The following CACNA1E variants were observed in gnomAD, a reference collection of about 807,000 sequenced individuals.
The protein encoded by CACNA1E is calcium voltage-gated channel subunit alpha1 E.
Under a neutral mutation model 259.2 loss-of-function variants are expected in CACNA1E, and 40 were observed. The ratio of observed to expected loss-of-function variants is 0.15; its 90% CI spans 0.12 to 0.20. The LOEUF is 0.20. Ranked by LOEUF, CACNA1E falls within the 10% of genes least tolerant of loss-of-function variation. CACNA1E has a pLI of 1.00. For synonymous variants in CACNA1E, 1,104 were observed against 1,138.5 expected (o/e 0.97, Z 0.61); for missense variants, 1,874 against 3,040.1 (o/e 0.62, Z 9.02).
chr1:181,555,511 CGATTTCTTCT>C (rs1360282904), intron 3 of CACNA1E, among the ~76,000 whole-genome samples: 1 of 152,180 alleles, frequency 6.6e-6, no homozygotes, highest in Non-Finnish European at 1.5e-5. Flanking sequence ...GTGCCACCTG[CGATTTCTTCT>C]GATGTTACTG....
chr1:181,502,516 G>C (rs886104930), intron 1 of CACNA1E, among the ~76,000 whole-genome samples: 1 of 152,006 alleles, frequency 6.6e-6, no homozygotes, highest in South Asian at 2.1e-4. Flanking sequence ...TCTTAACCTG[G>C]GCCCTCTCAC....
At chr1:181,322,014 G>A (rs1650390697) in intron 1 of CACNA1E, among the ~76,000 whole-genome samples, 1 of 152,132 alleles carries the variant, frequency 6.6e-6, no homozygotes, top group Admixed American at 6.5e-5. Flanking sequence ...GGGTAGGCGG[G>A]GCAGATGGGG....
At chr1:181,793,562 C>T in intron 44 of CACNA1E, 103 bp from the exon 45 acceptor site, 1 of 1,270,634 alleles carries the variant, frequency 7.9e-7, no homozygotes, top group Non-Finnish European at 1.1e-6. Flanking sequence ...CTGCAAGTCT[C>T]TCTTTTGAAA....
At chr1:181,638,716 A>G (rs976003035) in intron 6 of CACNA1E, among the ~76,000 whole-genome samples, 2 of 152,222 alleles carry the variant, frequency 1.3e-5, no homozygotes, top group African/African-American at 4.8e-5. Flanking sequence ...TGATTGACTC[A>G]TGGGGGCAGT....
At chr1:181,795,098 G>A (rs570171712) in intron 46 of CACNA1E, 54 bp downstream of exon 46, 133 of 1,434,878 alleles carry the variant, frequency 9.3e-5, no homozygotes, top group Admixed American at 2.8e-4. Context: ...CTCCTGCCCT[G>A]ATGCACTTAC....
intron 3 of CACNA1E, among the ~76,000 whole-genome samples, chr1:181,533,867 C>A (rs919890852): frequency 6.6e-6 from 1 of 151,800 alleles, no homozygotes; most frequent in African/African-American, 2.4e-5. Flanking sequence ...TAGAATGTTG[C>A]TAATGTATAG....
At chr1:181,677,177 T>A (rs568503606) in intron 7 of CACNA1E, among the ~76,000 whole-genome samples, 1 of 152,272 alleles carries the variant, frequency 6.6e-6, no homozygotes, top group Non-Finnish European at 1.5e-5. Context: ...TTCTGGGGTA[T>A]ACACTCAGGA....
At chr1:181,506,387 G>A (rs1432594717) in intron 1 of CACNA1E, among the ~76,000 whole-genome samples, 1 of 152,190 alleles carries the variant, frequency 6.6e-6, no homozygotes, top group Non-Finnish European at 1.5e-5. Flanking sequence ...GCAAGGGTGG[G>A]AGTGAGCAGG....
chr1:181,666,639 G>T (rs575584254), intron 7 of CACNA1E, among the ~76,000 whole-genome samples: 1 of 151,478 alleles, frequency 6.6e-6, no homozygotes, highest in Non-Finnish European at 1.5e-5. Flanking sequence ...TTTTATATAG[G>T]GAGTAAAATA....
intron 2 of CACNA1E, 45 bp from the exon 3 acceptor site, chr1:181,511,326 G>A (rs1666146233): frequency 6.2e-7 from 1 of 1,610,528 alleles, no homozygotes; most frequent in Non-Finnish European, 8.5e-7. Context: ...GTCTCATAAA[G>A]CACAGTCCTC....
intron 3 of CACNA1E, among the ~76,000 whole-genome samples, chr1:181,563,849 A>C (rs1050165286): frequency 8.5e-5 from 13 of 152,228 alleles, no homozygotes; most frequent in African/African-American, 3.1e-4. Context: ...ATCTCAAGAA[A>C]GTCACATAAA....
chr1:181,553,526 C>T (rs993956284), intron 3 of CACNA1E, among the ~76,000 whole-genome samples: 2 of 152,186 alleles, frequency 1.3e-5, no homozygotes, highest in Non-Finnish European at 2.9e-5. Context: ...CTGGCCAGAA[C>T]TTCCAATACT....
Position 181,732,069 on chromosome 1 carries a change from T to C in CACNA1E, c.2298-315T>C, listed in dbSNP as rs1655536170. Among the ~76,000 whole-genome samples, 1 of 151,760 alleles carries C rather than the reference T, an allele frequency of 6.6e-6. No homozygotes were observed. The highest frequency in any genetic ancestry group is 1.5e-5 in the Non-Finnish European group (1 of 67,952). The stretch of plus-strand genomic sequence containing the variant: ...GGAGAGCAGGGGAGTGAAGACGTGG[T>C]AAGCCTGTGGATGGCTGCCCCAGCA... On this transcript the variant is annotated intron_variant, in intron 19 of 47. Transcript: ENST00000367573. The surrounding 1 kb of genome is among the most constrained non-coding windows in gnomAD (Gnocchi z 5.5).
intron 1 of CACNA1E, among the ~76,000 whole-genome samples, chr1:181,507,401 A>T (rs1435092654): frequency 6.6e-6 from 1 of 152,210 alleles, no homozygotes; most frequent in Non-Finnish European, 1.5e-5. Context: ...GCCCTTGGAC[A>T]TTCTGGACTA....
In CACNA1E at chr1:181,434,152, G is replaced by C. The variant is rs541354133; in HGVS notation, c.434+20572G>C. Among the ~76,000 whole-genome samples the C allele has an allele frequency of 4.6e-5, 7 of 152,294 alleles. No individual in the cohort carries two copies. The East Asian group carries it at 1.4e-3, about 29-fold the overall frequency. ...TTGGCAAATTGCTTAACCGCTCTGG[G>C]TATGTCCTTATCTGTAAAGTGGTGA... On this transcript the variant is annotated intron_variant, in intron 2 of 11. Coordinates refer to the CACNA1E transcript ENST00000524607.
At chr1:181,434,441 A>T (rs900527134) in intron 2 of CACNA1E, among the ~76,000 whole-genome samples, 5 of 151,754 alleles carry the variant, frequency 3.3e-5, no homozygotes, top group Non-Finnish European at 7.4e-5. Context: ...AACCAAGACC[A>T]GACAAGTGTC....
intron 3 of CACNA1E, among the ~76,000 whole-genome samples, chr1:181,570,522 G>A (rs1193188806): frequency 6.6e-6 from 1 of 152,196 alleles, no homozygotes; most frequent in Non-Finnish European, 1.5e-5. Context: ...TTTTCTTACA[G>A]TTCTGGAAGT....
chr1:181,320,508 T>C (rs1650257918), intron 1 of CACNA1E, among the ~76,000 whole-genome samples: 1 of 152,212 alleles, frequency 6.6e-6, no homozygotes, highest in African/African-American at 2.4e-5. Flanking sequence ...GGCATTTTCA[T>C]AATTAATTGT....
intron 1 of CACNA1E, among the ~76,000 whole-genome samples, chr1:181,491,494 G>C (rs1664313056): frequency 6.6e-6 from 1 of 152,180 alleles, no homozygotes; most frequent in African/African-American, 2.4e-5. Context: ...GCTGTACATG[G>C]TTTTGTTATC....
Sources: gnomAD v4.1 joint callset for allele counts (sites outside exome capture counted in the v4.1 genomes callset) on GRCh38, gnomAD v4.1.1 for gene constraint, Gnocchi (gnomAD v3.1) non-coding constraint, MANE v1.5 for transcripts, NCBI Gene and HGNC (gene_info 2026-07-23, HGNC 2026-07-21) for gene names.